Variants in ABLIM1 observed in about 807,000 individuals in gnomAD.
The protein encoded by ABLIM1 is actin binding LIM protein 1.
ABLIM1 carries 40 observed loss-of-function variants against 107.0 expected under a neutral mutation model. The ratio of observed to expected loss-of-function variants is 0.37; its 90% CI spans 0.29 to 0.49. The LOEUF is 0.49. ABLIM1 is among the 20% of genes least tolerant of loss of function. The pLI is 0.97. For missense variants in ABLIM1, 857 were observed against 1,008.5 expected, an observed-to-expected ratio of 0.85 and a Z score of 2.04; for synonymous variants, 357 against 357.3, an observed-to-expected ratio of 1.00 and a Z score of 0.01.
chr10:114,451,502 T>C (rs949799164), intron 14 of ABLIM1, 122 bp downstream of exon 14: 5 of 892,712 alleles, frequency 5.6e-6, no homozygotes, highest in Non-Finnish European at 9.5e-6. Context: ...AAAGGCATAA[T>C]ATGCTGGATG....
intron 10 of ABLIM1, 64 bp from the exon 11 acceptor site, chr10:114,468,280 T>C: frequency 6.6e-7 from 1 of 1,514,704 alleles, no homozygotes; most frequent in Non-Finnish European, 9.2e-7. Flanking sequence ...TTTGTTTGTT[T>C]GTTTGTTTGT....
rs1339424210 is a variant in ABLIM1 at position 114,547,657 on chromosome 10, T to G, written c.793A>C (p.Ile265Leu). 6.2e-7 allele frequency: 1 copy of G among 1,613,822 alleles called. No individual in the cohort carries two copies. Among genetic ancestry groups the G allele is most frequent in the Non-Finnish European group, 8.5e-7 (1 of 1,180,018 alleles). The change falls in exon 5 of 23, where the codon ATC (isoleucine) becomes CTC (leucine). Residue 265 changes from isoleucine (I) to leucine (L), a missense_variant. Physicochemically the swap from Ile to Leu is conservative, Grantham distance 5 (BLOSUM62 2). Around this residue, in one of 5 missense-constraint regions of ABLIM1, gnomAD observed 381 missense variants for 506.9 expected, o/e 0.75. Coordinates refer to ENST00000533213, the MANE Select transcript of ABLIM1 (RefSeq NM_002313.7). ...GCCCGCGCCCAGCCTTACTTGCTGA[T>G]GTACTCCCCGGTGAGGACCTTCCCG... Reference protein sequence around the residue: ...SCGKVLTGEYISKDGAPYCEK... With the variant: ...SCGKVLTGEYLSKDGAPYCEK...
At chr10:114,638,114 T>C (rs994139884) in intron 1 of ABLIM1, among the ~76,000 whole-genome samples, 1 of 152,212 alleles carries the variant, frequency 6.6e-6, no homozygotes, top group African/African-American at 2.4e-5. Flanking sequence ...CATGTTATTG[T>C]ATCTGTGCTG....
intron 6 of ABLIM1, among the ~76,000 whole-genome samples, chr10:114,493,980 G>C (rs932667319): frequency 6.6e-6 from 1 of 152,130 alleles, no homozygotes; most frequent in Non-Finnish European, 1.5e-5. Flanking sequence ...CAATAAGGAA[G>C]GATTTTCCCT....
At chr10:114,464,341 A>G (rs367550890) in intron 12 of ABLIM1, among the ~76,000 whole-genome samples, 7 of 152,098 alleles carry the variant, frequency 4.6e-5, no homozygotes, top group Non-Finnish European at 7.4e-5. Context: ...GCATGCCACC[A>G]TGCCCAGCTA....
intron 4 of ABLIM1, among the ~76,000 whole-genome samples, chr10:114,548,124 C>T (rs1032063170): frequency 1.3e-5 from 2 of 152,108 alleles, no homozygotes; most frequent in African/African-American, 2.4e-5. Context: ...TAAGAAAGTG[C>T]GCATAGGCAT....
At chr10:114,599,329 G>C (rs2075759227) in intron 2 of ABLIM1, among the ~76,000 whole-genome samples, 3 of 152,090 alleles carry the variant, frequency 2.0e-5, no homozygotes, top group African/African-American at 7.2e-5. Context: ...ATTTACATTT[G>C]GTCCATAGAA....
At chr10:114,714,434 C>A (rs1266931593) in intron 1 of ABLIM1, among the ~76,000 whole-genome samples, 1 of 152,194 alleles carries the variant, frequency 6.6e-6, no homozygotes, top group Non-Finnish European at 1.5e-5. Context: ...CAACAAGCAG[C>A]GCTGAAAGAA....
At position 114,431,153 on chromosome 10, in the gene ABLIM1, T is replaced by C. The variant is rs530949059; in HGVS notation, c.*5107A>G. On this transcript the variant is annotated 3_prime_UTR_variant, in exon 23 of 23. Transcript: ENST00000533213. ...AACTTTATTCACGAAGTTGTGAGTA[T>C]GACAGTGATGCAGAGTATATGACAA... is the stretch of plus-strand genomic sequence containing the variant. 1.3e-5 allele frequency: 2 copies of C among 152,326 alleles called. No homozygotes were observed. Among genetic ancestry groups the C allele is most frequent in the Non-Finnish European group, 2.9e-5 (2 of 68,038 alleles). The allele number at this position is 152,326 out of a possible 1,614,324, so 9.4% of individuals were successfully genotyped here. A position where few individuals can be genotyped will look rare whatever the true frequency, so the allele number is the denominator to read the frequency against.
chr10:114,657,841 TAAGGATAG>T, intron 1 of ABLIM1, 108 bp downstream of exon 1: 2 of 882,592 alleles, frequency 2.3e-6, no homozygotes, highest in Non-Finnish European at 3.5e-6. Flanking sequence ...AATTATATAT[TAAGGATAG>T]TGTTTCCTTT....
chr10:114,669,221 GACAGGT>G (rs147621318), intron 1 of ABLIM1, among the ~76,000 whole-genome samples: 13,646 of 152,154 alleles, frequency 0.09, 772 homozygotes, highest in African/African-American at 0.16. Context: ...CCTCATTAAA[GACAGGT>G]ACATTTTATT....
At chr10:114,542,207 G>C (rs527778659) in intron 6 of ABLIM1, among the ~76,000 whole-genome samples, 15 of 152,154 alleles carry the variant, frequency 9.9e-5, no homozygotes, top group Non-Finnish European at 1.9e-4. Context: ...CCAGGAGTTA[G>C]AGACCAGCCT....
intron 1 of ABLIM1, among the ~76,000 whole-genome samples, chr10:114,651,191 T>C (rs1566178731): frequency 1.3e-5 from 2 of 152,206 alleles, no homozygotes; most frequent in East Asian, 3.8e-4. Context: ...TCTGCGAACA[T>C]TCACTCATTC....
chr10:114,442,972 G>T (rs984903463), intron 17 of ABLIM1, among the ~76,000 whole-genome samples: 1 of 152,028 alleles, frequency 6.6e-6, no homozygotes, highest in Non-Finnish European at 1.5e-5. Context: ...CCGAGTAGCC[G>T]GGACTGCAGG....
At chr10:114,476,038 C>A (rs1304302621) in intron 8 of ABLIM1, among the ~76,000 whole-genome samples, 1 of 152,234 alleles carries the variant, frequency 6.6e-6, no homozygotes, top group Non-Finnish European at 1.5e-5. Context: ...ACAGTTGAAG[C>A]AATGAAGGCA....
chr10:114,602,038 T>C (rs1184917215), intron 1 of ABLIM1, 77 bp from the exon 2 acceptor site: 3 of 1,582,734 alleles, frequency 1.9e-6, no homozygotes, highest in African/African-American at 2.7e-5. Context: ...ATCTCTGTAA[T>C]TTTGGTGTCA....
chr10:114,589,240 A>C (rs1341396832), intron 2 of ABLIM1, among the ~76,000 whole-genome samples: 2 of 147,334 alleles, frequency 1.4e-5, no homozygotes, highest in Non-Finnish European at 3.0e-5. Context: ...TTTAAGAGAC[A>C]GGGTCTTTGC....
chr10:114,436,456 AC>A (rs2059407109), intron 22 of ABLIM1, 83 bp from the exon 23 acceptor site: 2 of 1,019,220 alleles, frequency 2.0e-6, no homozygotes, highest in Non-Finnish European at 3.0e-6. Context: ...TATAGTTTAT[AC>A]AGAGTCATTC....
chr10:114,491,928 C>T (rs1276453067), intron 6 of ABLIM1, 50 bp from the exon 7 acceptor site: 10 of 1,387,294 alleles, frequency 7.2e-6, no homozygotes, highest in Non-Finnish European at 1.0e-5. Flanking sequence ...GTCATGGATT[C>T]CAGAATCTTT....
Sources: allele counts gnomAD v4.1 joint callset (sites outside exome capture counted in the v4.1 genomes callset), GRCh38; gene constraint gnomAD v4.1.1; regional missense constraint gnomAD v4.1.1; transcripts MANE v1.5; gene names NCBI Gene and HGNC (gene_info 2026-07-23, HGNC 2026-07-21).